The following NBPF10 variants were observed in gnomAD, a reference collection of about 807,000 sequenced individuals.
The protein encoded by NBPF10 is NBPF family member NBPF10.
A neutral mutation model predicts 77.9 loss-of-function variants in NBPF10; 63 were observed. That is an observed-to-expected ratio of 0.81 (90% CI 0.66 to 1.00). NBPF10 has a LOEUF of 1.00. Ranked by LOEUF, NBPF10 falls within the 50% of genes least tolerant of loss-of-function variation. NBPF10 has a pLI of 0.00. For synonymous variants in NBPF10, 146 were observed against 264.5 expected, an observed-to-expected ratio of 0.55 and a Z score of 4.35; for missense variants, 522 against 679.8, an observed-to-expected ratio of 0.77 and a Z score of 2.58.
chr1:146,142,761 A>T lies in NBPF10; in HGVS notation c.176-9T>A, dbSNP rs1307970556. 7.1e-5 allele frequency: 96 copies of T among 1,345,118 alleles called. 2 individuals are homozygous for T. Among genetic ancestry groups the T allele is most frequent in the Non-Finnish European group, 9.6e-5 (94 of 978,694 alleles). The allele number at this position is 1,345,118 out of a possible 1,614,324, so 83.3% of individuals were successfully genotyped here. A position where few individuals can be genotyped will look rare whatever the true frequency, so the allele number is the denominator to read the frequency against. On this transcript the variant is annotated splice_polypyrimidine_tract_variant and intron_variant, in intron 1 of 89. Coordinates refer to ENST00000583866, the Ensembl canonical transcript of NBPF10. ...TTTACACTCTTCATACTCTGAAAAA[A>T]GACAGACACGCCTGCCTCAGTGGAA...
chr1:146,066,861 T>G (rs1410171697), intron 89 of NBPF10, among the ~76,000 whole-genome samples: 1 of 151,020 alleles, frequency 6.6e-6, no homozygotes, highest in Non-Finnish European at 1.5e-5. Context: ...TCTGACTTAG[T>G]GCCCTCATGA....
chr1:146,126,399 C>G, exon 14 of NBPF10: 1 of 1,270,026 alleles, frequency 7.9e-7, no homozygotes, highest in Non-Finnish European at 1.1e-6. Flanking sequence ...CCAGCAGCTC[C>G]CTGCTGAGCG....
intron 71 of NBPF10, among the ~76,000 whole-genome samples, chr1:146,080,980 C>A (rs1449809234): frequency 2.5e-5 from 2 of 79,360 alleles, no homozygotes; most frequent in Non-Finnish European, 3.5e-5. Flanking sequence ...GATAGACACA[C>A]ACACACACAC....
intron 17 of NBPF10, among the ~76,000 whole-genome samples, chr1:146,123,622 T>C (rs1658347304): frequency 1.3e-5 from 1 of 75,620 alleles, no homozygotes; most frequent in African/African-American, 7.8e-5. Flanking sequence ...ACACACAGCA[T>C]ACAGGGATCA....
At chr1:146,067,377 C>A in intron 88 of NBPF10, 89 bp from the exon 89 acceptor site, 1 of 377,436 alleles carries the variant, frequency 2.6e-6, no homozygotes, top group East Asian at 4.5e-5. Context: ...ACAGGGACCT[C>A]AGGCTCCTCA....
At position 146,134,188 on chromosome 1, in the gene NBPF10, GT is replaced by G; in HGVS notation, c.1379+4del. The G allele has an allele frequency of 1.4e-6, 2 of 1,385,752 alleles. 1 individual carries two copies. Among genetic ancestry groups the G allele is most frequent in the Non-Finnish European group, 2.0e-6 (2 of 1,013,780 alleles). 85.8% of individuals were successfully genotyped at this position (1,385,752 alleles called of 1,614,324 possible). Reference sequence around the variant, plus strand: ...CATTAATTGTTCCTGAGTATTCAGTGTTACCTGGGGGCAGATGATTTCTGCA... The same window carrying G: ...CATTAATTGTTCCTGAGTATTCAGTGTACCTGGGGGCAGATGATTTCTGCA... On this transcript the variant is annotated splice_donor_region_variant and intron_variant, in intron 9 of 89. Transcript: ENST00000583866.
chr1:146,129,330 G>C (rs1471750969), intron 11 of NBPF10, among the ~76,000 whole-genome samples: 4 of 147,664 alleles, frequency 2.7e-5, no homozygotes, highest in African/African-American at 5.1e-5. Flanking sequence ...ACCATGGCAC[G>C]AGAACTACGT....
intron 4 of NBPF10, among the ~76,000 whole-genome samples, 177 bp downstream of exon 4, chr1:146,140,307 G>A (rs1176272083): frequency 7.9e-6 from 1 of 127,268 alleles, no homozygotes; most frequent in East Asian, 2.7e-4. Context: ...ATGACACTTG[G>A]CACACATAGA....
chr1:146,125,894 A>G (rs1167121077), intron 14 of NBPF10, among the ~76,000 whole-genome samples: 3 of 151,412 alleles, frequency 2.0e-5, no homozygotes, highest in Non-Finnish European at 4.4e-5. Flanking sequence ...CGAGGATTTT[A>G]GACGCTGAAA....
chr1:146,141,731 T>G, exon 3 of NBPF10: 2 of 1,309,378 alleles, frequency 1.5e-6, no homozygotes, highest in South Asian at 2.7e-5. Context: ...GCTCATACAA[T>G]GAGCGGGAGG....
At chr1:146,136,407 C>A in exon 7 of NBPF10, 2 of 1,611,410 alleles carry the variant, frequency 1.2e-6, no homozygotes, top group East Asian at 2.2e-5. Flanking sequence ...CTTGAACTGT[C>A]GCTCATTCCT....
At chr1:146,121,898 G>T (rs1571180048) in intron 19 of NBPF10, among the ~76,000 whole-genome samples, 2 of 142,170 alleles carry the variant, frequency 1.4e-5, no homozygotes, top group African/African-American at 2.7e-5. Context: ...GAGACAGAGA[G>T]AAAGTGACCT....
rs879163886 is a variant in NBPF10 at position 146,123,517 on chromosome 1, C to T, written c.2304-239G>A. ...ACACACACACACACACACACACACA[C>T]ACACACACAGAGAGAGAGAGAACGA... On this transcript the variant is annotated intron_variant, in intron 17 of 89. Transcript: ENST00000583866. 9.9e-3 allele frequency among the ~76,000 whole-genome samples: 997 copies of T among 100,602 alleles called. 7 individuals carry two copies. Among genetic ancestry groups the T allele is most frequent in the African/African-American group, 0.024 (459 of 18,928 alleles). The allele number at this position is 100,602 out of a possible 152,430, so 66.0% of individuals were successfully genotyped here. A position where few individuals can be genotyped will look rare whatever the true frequency, so the allele number is the denominator to read the frequency against.
intron 13 of NBPF10, among the ~76,000 whole-genome samples, chr1:146,126,711 A>T (rs1430882939): frequency 6.8e-6 from 1 of 146,596 alleles, no homozygotes; most frequent in Admixed American, 6.9e-5. Context: ...TGCTCTCAGG[A>T]CACACAGTGA....
At chr1:146,066,955 G>A (rs371961509) in intron 89 of NBPF10, among the ~76,000 whole-genome samples, 1 of 145,412 alleles carries the variant, frequency 6.9e-6, no homozygotes, top group Non-Finnish European at 1.5e-5. Context: ...GTGGCCATGA[G>A]AGTACAGCTT....
chr1:146,134,251 C>T (rs782267140), exon 9 of NBPF10: 12 of 1,601,914 alleles, frequency 7.5e-6, no homozygotes, highest in African/African-American at 1.4e-5. Flanking sequence ...TCTTCATCGT[C>T]ATCGTTGTCA....
Position 146,074,363 on chromosome 1 carries a change from C to G in NBPF10, c.9986G>C (p.Gly3329Ala). ...GCATGAGTCAGTCAGTTCAAGATAA[C>G]CTGAAGGAGTTGAATAACATCTATC... The change falls in exon 80 of 90, where the codon GGT becomes GCT. Residue 3329 changes from glycine to alanine, a missense_variant. By Grantham distance (60) the Gly-to-Ala change is moderately conservative. Transcript: ENST00000583866. The G allele has an allele frequency of 2.2e-5, 3 of 136,786 alleles. 1 individual carries two copies. Among genetic ancestry groups the G allele is most frequent in the Middle Eastern group, 1.2e-3 (1 of 812 alleles). 8.5% of individuals were successfully genotyped at this position (136,786 alleles called of 1,614,324 possible).
chr1:146,127,886 G>T (rs1236885766), intron 12 of NBPF10, among the ~76,000 whole-genome samples: 1 of 136,178 alleles, frequency 7.3e-6, no homozygotes, highest in Non-Finnish European at 1.6e-5. Flanking sequence ...GTGACAGTCA[G>T]TCCAGGTTGG....
At chr1:146,069,391 T>G (rs1434481816) in intron 86 of NBPF10, among the ~76,000 whole-genome samples, 152 bp downstream of exon 86, 2 of 91,976 alleles carry the variant, frequency 2.2e-5, no homozygotes, top group Non-Finnish European at 4.5e-5. Context: ...GGCTTCCAAG[T>G]GGAACTAGAG....
Sources: allele counts gnomAD v4.1 joint callset (sites outside exome capture counted in the v4.1 genomes callset), GRCh38; gene constraint gnomAD v4.1.1; transcripts MANE v1.5; gene names NCBI Gene and HGNC (gene_info 2026-07-23, HGNC 2026-07-21).